RSRC1: variants seen among roughly 807,000 people sequenced by gnomAD.
RSRC1 encodes the protein arginine and serine rich coiled-coil 1.
RSRC1 carries 39 observed loss-of-function variants against 49.1 expected under a neutral mutation model. That is an observed-to-expected ratio of 0.79 (90% confidence interval 0.61 to 1.04). RSRC1 has a LOEUF of 1.04. Ranked by LOEUF, RSRC1 falls within the 50% of genes least tolerant of loss-of-function variation. The pLI, the probability that RSRC1 is intolerant of heterozygous loss-of-function variation, is 0.00. For missense variants in RSRC1, 388 were observed against 402.4 expected (o/e 0.96, Z 0.31); for synonymous variants, 143 against 130.8 (o/e 1.09, Z -0.63).
At chr3:158,518,143 TATATA>T (rs1434396789) in intron 7 of RSRC1, among the ~76,000 whole-genome samples, 68 of 119,640 alleles carry the variant, frequency 5.7e-4, no homozygotes, top group Admixed American at 8.6e-4. Context: ...TATATATATA[TATATA>T]TTTTTTTTTT....
At chr3:158,456,634 C>T (rs1305125586) in intron 6 of RSRC1, among the ~76,000 whole-genome samples, 1 of 152,096 alleles carries the variant, frequency 6.6e-6, no homozygotes, top group Non-Finnish European at 1.5e-5. Flanking sequence ...TTGGGGAAGG[C>T]TTCACAGAAG....
intron 3 of RSRC1, among the ~76,000 whole-genome samples, chr3:158,191,451 C>A (rs1328453489): frequency 6.6e-6 from 1 of 151,976 alleles, no homozygotes; most frequent in Non-Finnish European, 1.5e-5. Flanking sequence ...GTTTTGATTA[C>A]ATGTGTTTAG....
At chr3:158,294,589 A>G (rs1727130616) in intron 4 of RSRC1, among the ~76,000 whole-genome samples, 1 of 152,102 alleles carries the variant, frequency 6.6e-6, no homozygotes, top group Non-Finnish European at 1.5e-5. Context: ...AAGGAGGGGT[A>G]AAAACCTAAG....
chr3:158,492,308 T>C (rs1739118663), intron 7 of RSRC1, among the ~76,000 whole-genome samples: 1 of 152,218 alleles, frequency 6.6e-6, no homozygotes, highest in Non-Finnish European at 1.5e-5. Context: ...CCAAACCATA[T>C]CACTCTAAGT....
intron 3 of RSRC1, among the ~76,000 whole-genome samples, chr3:158,157,691 G>A (rs1288893565): frequency 2.0e-5 from 3 of 152,122 alleles, no homozygotes; most frequent in East Asian, 1.9e-4. Context: ...CAAGGCAGGC[G>A]GATCACCTGA....
chr3:158,207,664 G>GATAGATAGATAA (rs1256510424), intron 4 of RSRC1, among the ~76,000 whole-genome samples: 11 of 151,952 alleles, frequency 7.2e-5, no homozygotes, highest in South Asian at 2.1e-4. Context: ...TAGATAGATA[G>GATAGATAGATAA]ACAGAGAGAC....
chr3:158,194,191 T>C (rs905810923), intron 3 of RSRC1, among the ~76,000 whole-genome samples: 3 of 151,818 alleles, frequency 2.0e-5, no homozygotes, highest in African/African-American at 7.3e-5. Flanking sequence ...GGAGGATCAC[T>C]TGAGTCAAGG....
chr3:158,216,025 T>C (rs1721925398), intron 4 of RSRC1, among the ~76,000 whole-genome samples: 1 of 151,610 alleles, frequency 6.6e-6, no homozygotes, highest in African/African-American at 2.4e-5. Context: ...TTTTGTAAAT[T>C]CTCAGGTTTT....
intron 8 of RSRC1, among the ~76,000 whole-genome samples, chr3:158,542,984 G>A (rs1403276738): frequency 1.3e-5 from 2 of 151,970 alleles, no homozygotes; most frequent in South Asian, 4.1e-4. Flanking sequence ...GTATAGGCAC[G>A]TAAGTACCAA....
rs188304998 is a variant in RSRC1 at position 158,158,802 on chromosome 3, G to C, written c.320+34811G>C. Among the ~76,000 whole-genome samples, 12 of 152,120 alleles carry C rather than the reference G, an allele frequency of 7.9e-5. No individual in the cohort carries two copies. The East Asian group carries it at 2.1e-3, about 27-fold the overall frequency. Reference sequence around the variant, plus strand: ...TAAAAATACAAAAATTGCCAGGCCTGGTGGCCTGTGCCTGTAATCTCAGCT... The same window carrying C: ...TAAAAATACAAAAATTGCCAGGCCTCGTGGCCTGTGCCTGTAATCTCAGCT... On this transcript the variant is annotated intron_variant, in intron 3 of 9. Transcript: ENST00000611884.
At chr3:158,257,093 G>GAA (rs1559964656) in intron 4 of RSRC1, among the ~76,000 whole-genome samples, 2 of 152,038 alleles carry the variant, frequency 1.3e-5, no homozygotes. Flanking sequence ...TCTGATCTTA[G>GAA]TTATTTCTTG....
chr3:158,176,981 T>G (rs900369631), intron 3 of RSRC1, among the ~76,000 whole-genome samples: 10 of 151,894 alleles, frequency 6.6e-5, no homozygotes, highest in Admixed American at 1.3e-4. Context: ...AGTGGGCAAA[T>G]GATATGAACA....
intron 6 of RSRC1, among the ~76,000 whole-genome samples, chr3:158,360,829 T>A (rs1451005753): frequency 6.6e-6 from 1 of 152,146 alleles, no homozygotes; most frequent in Non-Finnish European, 1.5e-5. Context: ...GAGACCTGGG[T>A]CCACAGCCCC....
In RSRC1 at chr3:158,367,773, A is replaced by T. The variant is rs557591097; in HGVS notation, c.583+12865A>T. On this transcript the variant is annotated intron_variant, in intron 6 of 9. Transcript: ENST00000611884. ...GACATTAGTTAAAGCTTTTTTTTTC[A>T]ATCAAGTATGGTTTATGGAAACTTA... Among the ~76,000 whole-genome samples, 50 of 152,092 alleles carry T rather than the reference A, an allele frequency of 3.3e-4. No individual in the cohort carries two copies. The South Asian group carries it at 0.01, about 31-fold the overall frequency.
chr3:158,357,550 T>G (rs891002389), intron 6 of RSRC1, among the ~76,000 whole-genome samples: 1 of 152,130 alleles, frequency 6.6e-6, no homozygotes, highest in Non-Finnish European at 1.5e-5. Flanking sequence ...AGAGGGCAAG[T>G]AGATGGATAG....
At chr3:158,494,657 T>C (rs1263833448) in intron 7 of RSRC1, among the ~76,000 whole-genome samples, 1 of 152,230 alleles carries the variant, frequency 6.6e-6, no homozygotes, top group Non-Finnish European at 1.5e-5. Flanking sequence ...ATTTTTCTTA[T>C]ACCTTTATTC....
intron 6 of RSRC1, among the ~76,000 whole-genome samples, chr3:158,410,330 C>T (rs148153132): frequency 5.7e-4 from 87 of 152,206 alleles, no homozygotes; most frequent in African/African-American, 2.0e-3. Context: ...CCTCTTCCCT[C>T]TCTCCCAGAT....
chr3:158,435,289 A>C (rs1735987052), intron 6 of RSRC1, among the ~76,000 whole-genome samples: 1 of 151,804 alleles, frequency 6.6e-6, no homozygotes, highest in Admixed American at 6.6e-5. Flanking sequence ...AATAATATTA[A>C]ATTTCAAGGT....
At chr3:158,448,550 G>T (rs551820779) in intron 6 of RSRC1, among the ~76,000 whole-genome samples, 1 of 152,006 alleles carries the variant, frequency 6.6e-6, no homozygotes, top group East Asian at 1.9e-4. Context: ...AATTGAATTT[G>T]TTGATTTCTT....
Sources: allele counts gnomAD v4.1 joint callset (sites outside exome capture counted in the v4.1 genomes callset), GRCh38; gene constraint gnomAD v4.1.1; transcripts MANE v1.5; gene names NCBI Gene and HGNC (gene_info 2026-07-23, HGNC 2026-07-21).